The following ERC2 variants were observed in gnomAD, a reference collection of about 807,000 sequenced individuals.
The protein encoded by ERC2 is ERC protein 2.
Under a neutral mutation model 114.8 loss-of-function variants are expected in ERC2, and 42 were observed. That is an observed-to-expected ratio of 0.37 (90% CI 0.29 to 0.47). The LOEUF is 0.47. ERC2 is among the 20% of genes least tolerant of loss of function. The pLI is 0.99. For missense variants in ERC2, 939 were observed against 1,150.7 expected (o/e 0.82, Z 2.66); for synonymous variants, 454 against 425.5 (o/e 1.07, Z -0.82).
chr3:55,759,298 T>C (rs1362338356), intron 14 of ERC2, among the ~76,000 whole-genome samples: 1 of 152,016 alleles, frequency 6.6e-6, no homozygotes, highest in Non-Finnish European at 1.5e-5. Context: ...AAAACAGCTT[T>C]CTAGATTCTT....
chr3:55,632,221 G>A (rs1223384392), intron 17 of ERC2, among the ~76,000 whole-genome samples: 3 of 152,184 alleles, frequency 2.0e-5, no homozygotes, highest in Non-Finnish European at 4.4e-5. Context: ...TATGTGATGT[G>A]TGCCCATATA....
chr3:55,930,485 T>G lies in ERC2; in HGVS notation c.2403+19940A>C, dbSNP rs2066011747. The stretch of plus-strand genomic sequence containing the variant: ...ACCATCTGATCTTTGACAAACCTGA[T>G]AAAAACAAGCAATGGGGAAAGGAGT... On this transcript the variant is annotated intron_variant, in intron 13 of 17. Coordinates refer to ENST00000288221, the MANE Select transcript of ERC2 (RefSeq NM_015576.3). Among the ~76,000 whole-genome samples, 4 of 152,020 alleles carry G rather than the reference T, an allele frequency of 2.6e-5. No individual in the cohort carries two copies. The South Asian group carries it at 8.3e-4, about 32-fold the overall frequency.
intron 7 of ERC2, among the ~76,000 whole-genome samples, chr3:56,022,113 A>C (rs947097757): frequency 6.6e-6 from 1 of 152,176 alleles, no homozygotes; most frequent in African/African-American, 2.4e-5. Context: ...GCATATTTAA[A>C]CCATGGCCTA....
At chr3:56,053,053 T>A (rs1159412842) in intron 7 of ERC2, among the ~76,000 whole-genome samples, 1 of 152,112 alleles carries the variant, frequency 6.6e-6, no homozygotes, top group Non-Finnish European at 1.5e-5. Context: ...GCAAAGTGAC[T>A]GATGAAAAAC....
Position 56,007,040 on chromosome 3 carries a change from G to C in ERC2, c.2061+141C>G, listed in dbSNP as rs2072546899. The C allele has an allele frequency of 7.1e-6, 5 of 704,772 alleles. No homozygotes were observed. The East Asian group carries it at 1.5e-4, about 21-fold the overall frequency. The allele number at this position is 704,772 out of a possible 1,614,324, so 43.7% of individuals were successfully genotyped here. A position where few individuals can be genotyped will look rare whatever the true frequency, so the allele number is the denominator to read the frequency against. On this transcript the variant is annotated intron_variant, in intron 10 of 17. Coordinates refer to ENST00000288221, the MANE Select transcript of ERC2 (RefSeq NM_015576.3). ...ATTTGATAGACTTCTTAGCAATAAA[G>C]TTAAGAGTATTTAATTAATTCTTTT...
chr3:55,560,685 C>T (rs1208312701), intron 17 of ERC2, among the ~76,000 whole-genome samples: 1 of 152,144 alleles, frequency 6.6e-6, no homozygotes, highest in African/African-American at 2.4e-5. Flanking sequence ...GAATTCCTGA[C>T]CCATAAAATT....
intron 2 of ERC2, among the ~76,000 whole-genome samples, chr3:56,313,001 C>CATATATAT (rs3055903): frequency 0.36 from 15,484 of 43,372 alleles, 4,347 homozygotes; most frequent in Non-Finnish European, 0.43. Context: ...TATGTATATT[C>CATATATAT]ATATATATAT....
intron 17 of ERC2, among the ~76,000 whole-genome samples, chr3:55,557,150 G>T (rs1031687381): frequency 6.6e-6 from 1 of 152,226 alleles, no homozygotes; most frequent in African/African-American, 2.4e-5. Context: ...TTTAGGCCAG[G>T]AAAAGGATTC....
intron 2 of ERC2, among the ~76,000 whole-genome samples, chr3:56,389,463 T>G (rs970630306): frequency 6.6e-6 from 1 of 152,130 alleles, no homozygotes; most frequent in African/African-American, 2.4e-5. Flanking sequence ...CCCCAGCTCA[T>G]GACAGTGGCA....
chr3:55,584,982 G>A (rs371240433), intron 17 of ERC2, among the ~76,000 whole-genome samples: 22 of 152,134 alleles, frequency 1.4e-4, no homozygotes, highest in East Asian at 5.8e-4. Flanking sequence ...ATCCAAATAC[G>A]GTCTTGTCTT....
rs768108361 is a variant in ERC2, at chr3:56,296,162, T to A, written c.931A>T (p.Met311Leu). 2 of 1,614,014 alleles carry A rather than the reference T, an allele frequency of 1.2e-6. No homozygotes were observed. Among genetic ancestry groups the A allele is most frequent in the Non-Finnish European group, 1.7e-6 (2 of 1,179,892 alleles). The change falls in exon 3 of 18, where the codon ATG becomes TTG. Residue 311 changes from methionine (M) to leucine (L), a missense_variant. By Grantham distance (15) the Met-to-Leu change is conservative. This residue lies in a region of ERC2 where 33 missense variants were observed against 75.6 expected (regional missense o/e 0.44). Transcript: ENST00000288221. Reference sequence around the variant, plus strand: ...GATGGCAAGCCTTTACTTTGCAACATCTCAAGAAGTTTTTTAATTGACTCA... The same window carrying A: ...GATGGCAAGCCTTTACTTTGCAACAACTCAAGAAGTTTTTTAATTGACTCA... ...RDESIKKLLE[M>L]LQSKGLPSKS...
At chr3:55,858,137 T>C (rs1205411028) in intron 14 of ERC2, among the ~76,000 whole-genome samples, 1 of 152,106 alleles carries the variant, frequency 6.6e-6, no homozygotes, top group African/African-American at 2.4e-5. Flanking sequence ...TAACTAAACC[T>C]CTATTTTAAA....
chr3:55,522,911 C>T (rs1223823446), intron 17 of ERC2, among the ~76,000 whole-genome samples: 1 of 152,226 alleles, frequency 6.6e-6, no homozygotes, highest in Non-Finnish European at 1.5e-5. Flanking sequence ...AATTTCTGTG[C>T]TGCTTTTGTC....
At chr3:55,862,755 C>A (rs966586589) in intron 14 of ERC2, among the ~76,000 whole-genome samples, 1 of 152,172 alleles carries the variant, frequency 6.6e-6, no homozygotes, top group African/African-American at 2.4e-5. Flanking sequence ...CTGTTCAAAC[C>A]TGTCACACTT....
In ERC2 at chr3:56,040,753, T is replaced by C. The variant is rs144045752; in HGVS notation, c.1642-21722A>G. Among the ~76,000 whole-genome samples, 161 of 137,500 alleles carry C rather than the reference T, an allele frequency of 1.2e-3. 2 individuals are homozygous for C. Among genetic ancestry groups the C allele is most frequent in the African/African-American group, 4.0e-3 (152 of 38,266 alleles). The allele number at this position is 137,500 out of a possible 152,430, so 90.2% of individuals were successfully genotyped here. On this transcript the variant is annotated intron_variant, in intron 7 of 17. Transcript: ENST00000288221. ...ATATCTCTATATATATAGAGAGAGA[T>C]ATAGATACATAGATCTCTATATATA...
intron 3 of ERC2, among the ~76,000 whole-genome samples, chr3:56,228,817 G>C (rs1057231008): frequency 3.9e-5 from 6 of 152,134 alleles, no homozygotes; most frequent in African/African-American, 9.7e-5. Flanking sequence ...AATAACTAAA[G>C]AGCAATGACA....
In ERC2 at chr3:55,843,149, G is replaced by A. The variant is rs575170191; in HGVS notation, c.2564+45240C>T. 7.2e-5 allele frequency among the ~76,000 whole-genome samples: 11 copies of A among 152,336 alleles called. No individual in the cohort carries two copies. In the South Asian group the frequency reaches 1.9e-3, roughly 26 times the overall value. On this transcript the variant is annotated intron_variant, in intron 14 of 17. Transcript: ENST00000288221. The stretch of plus-strand genomic sequence containing the variant: ...TTTGGGCCAAGGTATGAGCACAGCA[G>A]TGATATACAAAGCATCCAGCCTGTG...
At chr3:56,244,761 A>C (rs1221560087) in intron 3 of ERC2, among the ~76,000 whole-genome samples, 1 of 152,204 alleles carries the variant, frequency 6.6e-6, no homozygotes, top group Non-Finnish European at 1.5e-5. Context: ...AGTGTTTGTA[A>C]AGTCTACAGT....
At chr3:55,717,504 C>T (rs540162264) in intron 15 of ERC2, among the ~76,000 whole-genome samples, 1 of 152,310 alleles carries the variant, frequency 6.6e-6, no homozygotes, top group East Asian at 1.9e-4. Context: ...GGGAAGCTTT[C>T]ATGCCCGTAA....
Sources: gnomAD v4.1 joint callset for allele counts (sites outside exome capture counted in the v4.1 genomes callset) on GRCh38, gnomAD v4.1.1 for gene constraint, gnomAD v4.1.1 regional missense constraint, MANE v1.5 for transcripts, NCBI Gene and HGNC (gene_info 2026-07-23, HGNC 2026-07-21) for gene names.